Variants in RBM23 observed in about 807,000 individuals in gnomAD.
RBM23 encodes the protein probable RNA-binding protein 23.
Under a neutral mutation model 56.2 loss-of-function variants are expected in RBM23, and 53 were observed. That is an observed-to-expected ratio of 0.94 (90% CI 0.76 to 1.19). The LOEUF (loss-of-function observed/expected upper bound fraction) is 1.19, where lower values mean the gene tolerates loss of function less well. RBM23 is among the 50% of genes most tolerant of loss of function. The probability of loss-of-function intolerance (pLI) is 0.00; values close to 1 mark genes in which losing one functional copy is unlikely to be tolerated. For synonymous variants in RBM23, 197 were observed against 198.5 expected, an observed-to-expected ratio of 0.99 and a Z score of 0.06; for missense variants, 642 against 590.3, an observed-to-expected ratio of 1.09 and a Z score of -0.91.
In RBM23 at chr14:22,902,276, C is replaced by T. The variant is rs746926514; in HGVS notation, c.1037G>A (p.Gly346Asp). 1 of 1,614,194 alleles carries T rather than the reference C, an allele frequency of 6.2e-7. No homozygotes were observed. The highest frequency in any genetic ancestry group is 1.3e-5 in the African/African-American group (1 of 75,032). The change falls in exon 11 of 14, where the codon GGC (glycine) becomes GAC (aspartate). Residue 346 changes from glycine (G) to aspartate (D), a missense_variant. Transcript: ENST00000359890. ...CCCATCAGGAAAAGTGATGTCTGTG[C>T]CACCATCCAGTCGCTCAGTCACATG... ...VGHVTERLDG[G>D]TDITFPDGDQ...
intron 1 of RBM23, among the ~76,000 whole-genome samples, chr14:22,918,107 C>T (rs2043881390): frequency 1.3e-5 from 2 of 152,084 alleles, no homozygotes; most frequent in South Asian, 2.1e-4. Flanking sequence ...AAAAAATGGT[C>T]CTATAGGCCG....
In RBM23 at chr14:22,898,898, A is replaced by G. The variant is rs1566506720; in HGVS notation, c.*2832T>C. The G allele has an allele frequency of 6.6e-6, 1 of 152,126 alleles. No individual in the cohort carries two copies. Among genetic ancestry groups the G allele is most frequent in the Admixed American group, 6.5e-5 (1 of 15,268 alleles). The allele number at this position is 152,126 out of a possible 1,614,324, so 9.4% of individuals were successfully genotyped here. On this transcript the variant is annotated 3_prime_UTR_variant, in exon 14 of 14. Coordinates refer to ENST00000359890, the MANE Select transcript of RBM23 (RefSeq NM_001077351.2). ...ACTTCTCAAGATACATTAGAAGCCA[A>G]ATCAATAACTGTAGGGGTGCTGGGT...
rs532892000 is a variant in RBM23, at chr14:22,910,151, C to CAAAA, written c.67-560_67-557dup. Among the ~76,000 whole-genome samples, 9 of 16,704 alleles carry CAAAA rather than the reference C, an allele frequency of 5.4e-4. No homozygotes were observed. In the East Asian group the frequency reaches 0.01, roughly 19 times the overall value. The allele number at this position is 16,704 out of a possible 152,430, so 11.0% of individuals were successfully genotyped here. A position where few individuals can be genotyped will look rare whatever the true frequency, so the allele number is the denominator to read the frequency against. ...TGGGCAGCCTAGTGAGACTCTGTCT[C>CAAAA]AAAAAAAAAAAAAAAAAAAAAAAAA... On this transcript the variant is annotated intron_variant, in intron 2 of 13. Coordinates refer to ENST00000359890, the MANE Select transcript of RBM23 (RefSeq NM_001077351.2).
At position 22,900,177 on chromosome 14, in the gene RBM23, A is replaced by ATGAT. The variant is rs2138863381; in HGVS notation, c.*1552_*1553insATCA. The ATGAT allele has an allele frequency of 6.6e-6, 1 of 152,326 alleles. No homozygotes were observed. Among genetic ancestry groups the ATGAT allele is most frequent in the East Asian group, 1.9e-4 (1 of 5,182 alleles). 9.4% of individuals were successfully genotyped at this position (152,326 alleles called of 1,614,324 possible). A position where few individuals can be genotyped will look rare whatever the true frequency, so the allele number is the denominator to read the frequency against. ...TGACAGAGGAACAACAGTAGACATCAGGTCAGGAGAACCCTGCTGTTATAC... is the reference window on the plus strand; with the variant it reads ...TGACAGAGGAACAACAGTAGACATCATGATGGTCAGGAGAACCCTGCTGTTATAC... On this transcript the variant is annotated 3_prime_UTR_variant, in exon 14 of 14. Coordinates refer to ENST00000359890, the MANE Select transcript of RBM23 (RefSeq NM_001077351.2).
intron 10 of RBM23, 80 bp from the exon 11 acceptor site, chr14:22,902,462 A>C: frequency 6.7e-7 from 1 of 1,498,810 alleles, no homozygotes; most frequent in Non-Finnish European, 8.9e-7. Flanking sequence ...CCCTAGTCCT[A>C]CTATCCCAGG....
intron 9 of RBM23, 110 bp downstream of exon 9, chr14:22,904,765 A>C: frequency 6.7e-7 from 1 of 1,483,786 alleles, no homozygotes; most frequent in Non-Finnish European, 9.2e-7. Context: ...GCCCACTATG[A>C]CGTATGCAGC....
intron 1 of RBM23, among the ~76,000 whole-genome samples, chr14:22,914,933 A>C (rs1334489747): frequency 1.4e-5 from 2 of 147,856 alleles, no homozygotes; most frequent in East Asian, 4.1e-4. Flanking sequence ...CAGTGAGCCG[A>C]GATCACACCA....
rs755353057 is a variant in RBM23, at chr14:22,901,829, A to G, written c.1301T>C (p.Phe434Ser). ...TGAGACTCACATGGTCTGGGGGGTA[A>G]AGAGGCTGGAGAGCTGGAAACACTG... ...ASQCFQLSSLFTPQTM is the reference protein window; with the variant it reads ...ASQCFQLSSLSTPQTM Residue 434 changes from phenylalanine to serine, a missense_variant, in exon 13 of 14, where the codon TTT becomes TCT. By Grantham distance (155) the Phe-to-Ser change is radical. Transcript: ENST00000359890. The G allele has an allele frequency of 3.1e-6, 5 of 1,614,220 alleles. No homozygotes were observed. The South Asian group carries it at 5.5e-5, about 18-fold the overall frequency.
rs79131700 is a variant in RBM23 at position 22,902,113 on chromosome 14, A to G, written c.1127-14T>C. 6.2e-7 allele frequency: 1 copy of G among 1,605,482 alleles called. No homozygotes were observed. The highest frequency in any genetic ancestry group is 1.1e-5 in the South Asian group (1 of 90,480). ...GGATTCCAGCGCCTAAAAGGAAAAG[A>G]AAAGGTGGGATTAAGCCCCAACCCT... is the stretch of plus-strand genomic sequence containing the variant. On this transcript the variant is annotated splice_polypyrimidine_tract_variant and intron_variant, in intron 11 of 13. Transcript: ENST00000359890.
chr14:22,915,023 T>C (rs1177113788), intron 1 of RBM23, among the ~76,000 whole-genome samples: 1 of 151,942 alleles, frequency 6.6e-6, no homozygotes, highest in African/African-American at 2.4e-5. Context: ...TTGTCCTCTT[T>C]AAAGCAGCTA....
At chr14:22,905,695 T>C in intron 5 of RBM23, 36 bp from the exon 6 acceptor site, 1 of 1,502,046 alleles carries the variant, frequency 6.7e-7, no homozygotes, top group Admixed American at 1.7e-5. Context: ...TGAAACCTTA[T>C]TCTCATTGGT....
intron 5 of RBM23, 40 bp downstream of exon 5, chr14:22,906,155 A>T (rs374427734): frequency 1.3e-5 from 21 of 1,607,666 alleles, no homozygotes; most frequent in Middle Eastern, 1.6e-4. Context: ...TTTTATCCAG[A>T]TTATTATACA....
At chr14:22,914,972 GT>G (rs2043229878) in intron 1 of RBM23, among the ~76,000 whole-genome samples, 1 of 121,002 alleles carries the variant, frequency 8.3e-6, no homozygotes, top group South Asian at 3.2e-4. Context: ...GTAAGATGGA[GT>G]AAGACTCCAT....
At chr14:22,901,905 T>C (rs772709324) in intron 12 of RBM23, 22 bp from the exon 13 acceptor site, 2 of 1,613,614 alleles carry the variant, frequency 1.2e-6, no homozygotes, top group African/African-American at 2.7e-5. Flanking sequence ...ACAGGCAGAG[T>C]GAGTGAGCAA....
At chr14:22,911,521 G>A in intron 1 of RBM23, 118 bp from the exon 2 acceptor site, 2 of 802,960 alleles carry the variant, frequency 2.5e-6, no homozygotes, top group Non-Finnish European at 3.9e-6. Context: ...TTTCAGTTCT[G>A]TTTCTTGAAC....
rs1023278217 is a variant in RBM23 at position 22,900,210 on chromosome 14, A to C, written c.*1520T>G. 2 of 152,192 alleles carry C rather than the reference A, an allele frequency of 1.3e-5. No individual in the cohort carries two copies. 9.4% of individuals were successfully genotyped at this position (152,192 alleles called of 1,614,324 possible). A position where few individuals can be genotyped will look rare whatever the true frequency, so the allele number is the denominator to read the frequency against. ...AGAACCCTGCTGTTATACAAGACCC[A>C]AACCCCTTTGGATATTGGATTGGGA... On this transcript the variant is annotated 3_prime_UTR_variant, in exon 14 of 14. Coordinates refer to ENST00000359890, the MANE Select transcript of RBM23 (RefSeq NM_001077351.2).
chr14:22,908,952 T>C (rs1029524512), intron 3 of RBM23, among the ~76,000 whole-genome samples: 1 of 151,744 alleles, frequency 6.6e-6, no homozygotes, highest in African/African-American at 2.4e-5. Context: ...TGCTATTTTT[T>C]TTTTTTTTGA....
chr14:22,915,384 G>C (rs2139127705), intron 1 of RBM23, among the ~76,000 whole-genome samples: 1 of 150,458 alleles, frequency 6.6e-6, no homozygotes, highest in South Asian at 2.1e-4. Flanking sequence ...ATTTTTAGTA[G>C]AGACCAGGTT....
Position 22,909,574 on chromosome 14 carries a change from C to A in RBM23, c.88G>T (p.Val30Phe). The A allele has an allele frequency of 6.2e-7, 1 of 1,613,504 alleles. No individual in the cohort carries two copies. Among genetic ancestry groups the A allele is most frequent in the Non-Finnish European group, 8.5e-7 (1 of 1,179,958 alleles). The change falls in exon 3 of 14, where the codon GTT (valine) becomes TTT (phenylalanine). Residue 30 changes from valine (V) to phenylalanine (F), a missense_variant. Transcript: ENST00000359890. ...GTATTGCTAGGATAATCCTTTTTAA[C>A]TTCTTTCCTTTGTTGCTCATCCTGA... ...KEEDEQQRKE[V>F]KKDYPSNTTS... is the part of the protein sequence containing the mutation.
Sources: gnomAD v4.1 joint callset for allele counts (sites outside exome capture counted in the v4.1 genomes callset) on GRCh38, gnomAD v4.1.1 for gene constraint, MANE v1.5 for transcripts, NCBI Gene and HGNC (gene_info 2026-07-23, HGNC 2026-07-21) for gene names.